Variants in SLC12A4 observed in about 807,000 individuals in gnomAD.
The protein encoded by SLC12A4 is electroneutral potassium-chloride cotransporter 1.
Under a neutral mutation model 119.2 loss-of-function variants are expected in SLC12A4, and 84 were observed. The ratio of observed to expected loss-of-function variants is 0.70; its 90% confidence interval spans 0.59 to 0.85. The LOEUF is 0.85. Among genes scored for constraint, SLC12A4 ranks in the 40% least tolerant of loss-of-function variants. SLC12A4 has a pLI of 0.00. For missense variants in SLC12A4, 1,298 were observed against 1,476.3 expected, an observed-to-expected ratio of 0.88 and a Z score of 1.98; for synonymous variants, 599 against 604.6, an observed-to-expected ratio of 0.99 and a Z score of 0.14.
intron 3 of SLC12A4, among the ~76,000 whole-genome samples, chr16:67,958,535 GGGT>G (rs1176435938): frequency 6.6e-6 from 1 of 152,106 alleles, no homozygotes; most frequent in Non-Finnish European, 1.5e-5. Flanking sequence ...TGGGGCACCT[GGGT>G]GGTACCCTCC....
In SLC12A4 at chr16:67,947,804, G is replaced by C; in HGVS notation, c.1848-16C>G. ...GGACAGCGCCCTGGACGAGAGGGGAGGGCAGAGTCAGGGCAGGACCAGGAG... is the reference window on the plus strand; with the variant it reads ...GGACAGCGCCCTGGACGAGAGGGGACGGCAGAGTCAGGGCAGGACCAGGAG... On this transcript the variant is annotated splice_polypyrimidine_tract_variant and intron_variant, in intron 14 of 23. Coordinates refer to ENST00000316341, the MANE Select transcript of SLC12A4 (RefSeq NM_005072.5). 6.3e-7 allele frequency: 1 copy of C among 1,575,622 alleles called. No homozygotes were observed. The highest frequency in any genetic ancestry group is 2.3e-5 in the East Asian group (1 of 42,636).
intron 3 of SLC12A4, among the ~76,000 whole-genome samples, chr16:67,959,779 G>A (rs1490228979): frequency 6.6e-6 from 1 of 152,216 alleles, no homozygotes; most frequent in Non-Finnish European, 1.5e-5. Flanking sequence ...ATAACCTCTG[G>A]CAGCCTCAGA....
chr16:67,968,584 T>A lies in SLC12A4; in HGVS notation c.-31A>T, dbSNP rs1193243618. On this transcript the variant is annotated 5_prime_UTR_variant, in exon 1 of 24. Transcript: ENST00000316341. ...GGGCTCGGCCCCGCCGCACCCGCCG[T>A]CCCAGCCGCCCGCCGCTGTCCCCGC... 2 of 1,468,434 alleles carry A rather than the reference T, an allele frequency of 1.4e-6. No homozygotes were observed. Among genetic ancestry groups the A allele is most frequent in the African/African-American group, 2.9e-5 (2 of 68,016 alleles). The allele number at this position is 1,468,434 out of a possible 1,614,324, so 91.0% of individuals were successfully genotyped here. A position where few individuals can be genotyped will look rare whatever the true frequency, so the allele number is the denominator to read the frequency against.
At chr16:67,958,847 G>A (rs963754909) in intron 3 of SLC12A4, among the ~76,000 whole-genome samples, 1 of 152,070 alleles carries the variant, frequency 6.6e-6, no homozygotes, top group African/African-American at 2.4e-5. Flanking sequence ...ACCTCTCTCG[G>A]GAAGATGTCC....
chr16:67,963,750 G>C (rs1598232095), intron 1 of SLC12A4, among the ~76,000 whole-genome samples, 191 bp from the exon 2 acceptor site: 2 of 152,372 alleles, frequency 1.3e-5, no homozygotes, highest in African/African-American at 2.4e-5. Flanking sequence ...AGAGAGGCCA[G>C]TGACCAAAAC....
intron 6 of SLC12A4, among the ~76,000 whole-genome samples, chr16:67,953,834 A>C (rs952305473): frequency 6.6e-6 from 1 of 152,244 alleles, no homozygotes; most frequent in East Asian, 1.9e-4. Context: ...CCAAAGAATA[A>C]AGTAAATATC....
rs1040200211 is a variant in SLC12A4 at position 67,964,097 on chromosome 16, G to A, written c.116-538C>T. The stretch of plus-strand genomic sequence containing the variant: ...GGGGCGTCCTGCAGGGCAGCCCGGG[G>A]CATGCCGGGAGGTGGGGCAAGCCCC... On this transcript the variant is annotated intron_variant, in intron 1 of 23. Transcript: ENST00000316341. 4 of 1,522,202 alleles carry A rather than the reference G, an allele frequency of 2.6e-6. No homozygotes were observed. The African/African-American group carries it at 4.1e-5, about 16-fold the overall frequency. The allele number at this position is 1,522,202 out of a possible 1,614,324, so 94.3% of individuals were successfully genotyped here. A position where few individuals can be genotyped will look rare whatever the true frequency, so the allele number is the denominator to read the frequency against.
rs2030712171 is a variant in SLC12A4 at position 67,963,804 on chromosome 16, GCAGGCGC to G, written c.116-252_116-246del. On this transcript the variant is annotated intron_variant, in intron 1 of 23. Coordinates refer to ENST00000316341, the MANE Select transcript of SLC12A4 (RefSeq NM_005072.5). ...CAGTGAAGGGAATCCAGGTGAGGGC[GCAGGCGC>G]CCTAGCACAAGCACGTATGGACACT... 1.2e-4 allele frequency: 153 copies of G among 1,314,704 alleles called. 2 individuals carry two copies. In the South Asian group the frequency reaches 2.1e-3, roughly 18 times the overall value. 81.4% of individuals were successfully genotyped at this position (1,314,704 alleles called of 1,614,324 possible).
chr16:67,945,064 C>G, intron 23 of SLC12A4, 23 bp downstream of exon 23: 1 of 1,576,246 alleles, frequency 6.3e-7, no homozygotes, highest in Non-Finnish European at 8.6e-7. Context: ...CTCCCAACTG[C>G]CTGCCTCTCC....
rs200823385 is a variant in SLC12A4 at position 67,945,544 on chromosome 16, C to G, written c.2857G>C (p.Val953Leu). The part of the protein sequence containing the change: ...KTEREREAQL[V>L]KDRHSALRLE... ...CGCAGGGCCGAGTGCCGATCCTTGA[C>G]CAGCTGGGCCTGAGGACAATTGCAG... Residue 953 changes from valine (V) to leucine (L), a missense_variant, in exon 22 of 24, where the codon GTC becomes CTC. Physicochemically the swap from Val to Leu is conservative, Grantham distance 32 (BLOSUM62 1). Transcript: ENST00000316341. 5 of 1,613,252 alleles carry G rather than the reference C, an allele frequency of 3.1e-6. No homozygotes were observed. The highest frequency in any genetic ancestry group is 4.2e-6 in the Non-Finnish European group (5 of 1,179,692).
chr16:67,954,622 C>A, intron 6 of SLC12A4, 21 bp downstream of exon 6: 2 of 1,613,836 alleles, frequency 1.2e-6, no homozygotes, highest in Non-Finnish European at 8.5e-7. Flanking sequence ...CCAGAGTTGG[C>A]CAGGGCTCAG....
At position 67,944,006 on chromosome 16, in the gene SLC12A4, G is replaced by A. The variant is rs138321531; in HGVS notation, c.*834C>T. 1.9e-6 allele frequency: 3 copies of A among 1,548,236 alleles called. No homozygotes were observed. Among genetic ancestry groups the A allele is most frequent in the African/African-American group, 2.7e-5 (2 of 72,962 alleles). On this transcript the variant is annotated 3_prime_UTR_variant, in exon 24 of 24. Coordinates refer to ENST00000316341, the MANE Select transcript of SLC12A4 (RefSeq NM_005072.5). The surrounding 1 kb of genome is among the most constrained non-coding windows in gnomAD (Gnocchi z 6.6). Reference sequence around the variant, plus strand: ...CAGCCTTGGGCGTGGTGTGCGGGGGGAAGAGCACATTGAGGAGCCAGAAGG... The same window carrying A: ...CAGCCTTGGGCGTGGTGTGCGGGGGAAAGAGCACATTGAGGAGCCAGAAGG...
At position 67,949,051 on chromosome 16, in the gene SLC12A4, G is replaced by A. The variant is rs572831651; in HGVS notation, c.1748+749C>T. The stretch of plus-strand genomic sequence containing the variant: ...CCTGGACAGAGTCAACCAAACAAGC[G>A]CTGCCTCGGGGTCCCTGGGAGTCAC... On this transcript the variant is annotated intron_variant, in intron 13 of 23. Transcript: ENST00000316341. The surrounding 1 kb of genome is among the most constrained non-coding windows in gnomAD (Gnocchi z 4.6). Among the ~76,000 whole-genome samples the A allele has an allele frequency of 8.5e-5, 13 of 152,326 alleles. No homozygotes were observed. The highest frequency in any genetic ancestry group is 1.3e-4 in the Non-Finnish European group (9 of 68,014).
In SLC12A4 at chr16:67,945,422, G is replaced by C; in HGVS notation, c.2979C>G (p.Thr993=). The C allele has an allele frequency of 6.2e-7, 1 of 1,614,060 alleles. No homozygotes were observed. Among genetic ancestry groups the C allele is most frequent in the Non-Finnish European group, 8.5e-7 (1 of 1,179,986 alleles). The part of the protein sequence containing the change: ...TWTRDKYMTE[T]WDPSHAPDNF... ...TGTCAGGGGCATGGCTGGGGTCCCAGGTCTCAGTCATGTACTTGTCCCTGG... is the reference window on the plus strand; with the variant it reads ...TGTCAGGGGCATGGCTGGGGTCCCACGTCTCAGTCATGTACTTGTCCCTGG... The change falls in exon 22 of 24, where the codon ACC becomes ACG. Residue 993 remains threonine, a synonymous_variant. Coordinates refer to ENST00000316341, the MANE Select transcript of SLC12A4 (RefSeq NM_005072.5).
At chr16:67,948,290 C>A in intron 13 of SLC12A4, 131 bp from the exon 14 acceptor site, 1 of 751,762 alleles carries the variant, frequency 1.3e-6, no homozygotes, top group South Asian at 1.7e-5. Context: ...GTCTTCTCAA[C>A]CTCATTGCTG....
Position 67,951,074 on chromosome 16 carries a change from T to C in SLC12A4, c.1298-14A>G, listed in dbSNP as rs774793638. ...CAGCCATGATGCCTCCAAAAACAGA[T>C]GAGACTCCCTCAGGGGCTCCCCGGG... On this transcript the variant is annotated splice_polypyrimidine_tract_variant and intron_variant, in intron 9 of 23. Transcript: ENST00000316341. The surrounding 1 kb of genome is among the most constrained non-coding windows in gnomAD (Gnocchi z 5.2). The C allele has an allele frequency of 5.6e-6, 9 of 1,613,532 alleles. No individual in the cohort carries two copies. The highest frequency in any genetic ancestry group is 2.2e-5 in the South Asian group (2 of 91,078).
Position 67,951,268 on chromosome 16 carries a change from A to T in SLC12A4, c.1169T>A (p.Ile390Asn). 1 of 1,613,964 alleles carries T rather than the reference A, an allele frequency of 6.2e-7. No individual in the cohort carries two copies. The highest frequency in any genetic ancestry group is 8.5e-7 in the Non-Finnish European group (1 of 1,179,950). ...GGAGGGCAGCCCATGCTTCTCCACG[A>T]TGTCACCCTTCTCCAGGTAGGCGCT... Reference protein sequence around the residue: ...LWSAYLEKGDIVEKHGLPSAD... With the variant: ...LWSAYLEKGDNVEKHGLPSAD... The change falls in exon 9 of 24, where the codon ATC becomes AAC. Residue 390 changes from isoleucine to asparagine, a missense_variant. Transcript: ENST00000316341. The surrounding 1 kb of genome is among the most constrained non-coding windows in gnomAD (Gnocchi z 5.2).
Position 67,944,974 on chromosome 16 carries a change from G to A in SLC12A4, c.3167-43C>T. ...AAGGAGGCAACAACAGAATCAACGG[G>A]CAACCCGGGCCACCTGGGCCATGCC... On this transcript the variant is annotated intron_variant, in intron 23 of 23. Transcript: ENST00000316341. This position sits in a 1 kb window ranked among gnomAD's most constrained non-coding sequence, Gnocchi z 6.6. The A allele has an allele frequency of 1.2e-6, 2 of 1,612,266 alleles. No individual in the cohort carries two copies. The highest frequency in any genetic ancestry group is 8.5e-7 in the Non-Finnish European group (1 of 1,179,392).
At chr16:67,964,123 A>C (rs1481128192) in intron 1 of SLC12A4, 6 of 1,500,104 alleles carry the variant, frequency 4.0e-6, no homozygotes, top group Non-Finnish European at 4.5e-6. Context: ...GGCAAGCCCC[A>C]GGCCGTGGAG....
Sources: allele counts gnomAD v4.1 joint callset (sites outside exome capture counted in the v4.1 genomes callset), GRCh38; gene constraint gnomAD v4.1.1; non-coding constraint Gnocchi (gnomAD v3.1); transcripts MANE v1.5; gene names NCBI Gene and HGNC (gene_info 2026-07-23, HGNC 2026-07-21).